The following NUGGC variants were observed in gnomAD, a reference collection of about 807,000 sequenced individuals.
NUGGC encodes nuclear GTPase SLIP-GC.
In NUGGC, 58 loss-of-function variants were observed where a neutral mutation model predicts 92.6. That is an observed-to-expected ratio of 0.63 (90% CI 0.51 to 0.78). The LOEUF (loss-of-function observed/expected upper bound fraction) is 0.78, where lower values mean the gene tolerates loss of function less well. Ranked by LOEUF, NUGGC falls within the 30% of genes least tolerant of loss-of-function variation. The pLI is 0.00. For synonymous variants in NUGGC, 376 were observed against 366.4 expected, an observed-to-expected ratio of 1.03 and a Z score of -0.30; for missense variants, 925 against 964.6, an observed-to-expected ratio of 0.96 and a Z score of 0.54.
At chr8:28,045,760 G>T in intron 11 of NUGGC, 100 bp from the exon 12 acceptor site, 1 of 1,301,590 alleles carries the variant, frequency 7.7e-7, no homozygotes, top group Admixed American at 2.1e-5. Flanking sequence ...TATGAATGAA[G>T]TAGAGTTGAG....
intron 7 of NUGGC, among the ~76,000 whole-genome samples, chr8:28,063,000 G>A (rs961198247): frequency 1.4e-5 from 2 of 146,340 alleles, no homozygotes; most frequent in South Asian, 2.4e-4. Flanking sequence ...CCAGGCCCCC[G>A]CTATGAGAAT....
intron 1 of NUGGC, among the ~76,000 whole-genome samples, chr8:28,081,557 T>C (rs1810850625): frequency 1.3e-5 from 2 of 152,202 alleles, no homozygotes; most frequent in South Asian, 4.1e-4. Context: ...ATCAAACACA[T>C]TGAGGATGCT....
intron 1 of NUGGC, among the ~76,000 whole-genome samples, chr8:28,077,739 G>T (rs1360975715): frequency 6.6e-6 from 1 of 152,146 alleles, no homozygotes; most frequent in Non-Finnish European, 1.5e-5. Context: ...CAAATCCATG[G>T]TCGACCTCCA....
At chr8:28,073,677 C>G (rs1402996783) in intron 2 of NUGGC, among the ~76,000 whole-genome samples, 1 of 152,166 alleles carries the variant, frequency 6.6e-6, no homozygotes, top group African/African-American at 2.4e-5. Flanking sequence ...ATGTGAGTCA[C>G]CCTTCCAGGA....
rs895536674 is a variant in NUGGC at position 28,031,499 on chromosome 8, A to C, written c.1770-118T>G. ...TAAGAGAAGGAAGATGAAATCTAAC[A>C]GTTATCAAATCCCTATAATGTGCCA... On this transcript the variant is annotated intron_variant, in intron 14 of 18. Coordinates refer to ENST00000413272, the MANE Select transcript of NUGGC (RefSeq NM_001010906.2). 1.0e-5 allele frequency: 10 copies of C among 994,280 alleles called. No individual in the cohort carries two copies. In the South Asian group the frequency reaches 1.4e-4, roughly 14 times the overall value. 61.6% of individuals were successfully genotyped at this position (994,280 alleles called of 1,614,324 possible).
intron 10 of NUGGC, among the ~76,000 whole-genome samples, chr8:28,051,678 C>A (rs1810006452): frequency 6.6e-6 from 1 of 152,184 alleles, no homozygotes; most frequent in African/African-American, 2.4e-5. Context: ...GTAATCCCAG[C>A]ACTTTGAGAG....
chr8:28,041,954 G>A (rs1380295333), intron 12 of NUGGC, among the ~76,000 whole-genome samples: 3 of 152,110 alleles, frequency 2.0e-5, no homozygotes, highest in Non-Finnish European at 2.9e-5. Context: ...ATAATTCCAC[G>A]TGTTGTGGGG....
intron 1 of NUGGC, among the ~76,000 whole-genome samples, chr8:28,082,656 A>G (rs1240548817): frequency 6.6e-6 from 1 of 152,172 alleles, no homozygotes; most frequent in Non-Finnish European, 1.5e-5. Context: ...TAATCCCAGC[A>G]CTTTGGGAGG....
At chr8:28,047,108 T>C (rs1809858523) in intron 11 of NUGGC, among the ~76,000 whole-genome samples, 1 of 151,814 alleles carries the variant, frequency 6.6e-6, no homozygotes, top group African/African-American at 2.4e-5. Context: ...GTAGCTGAGA[T>C]TATAGGCATG....
intron 16 of NUGGC, 116 bp from the exon 17 acceptor site, chr8:28,029,518 G>A: frequency 8.5e-7 from 1 of 1,175,166 alleles, no homozygotes; most frequent in Non-Finnish European, 1.2e-6. Flanking sequence ...GGAGGCTGAA[G>A]TGGGCAGATC....
chr8:28,039,137 T>C (rs541904773), intron 13 of NUGGC, among the ~76,000 whole-genome samples: 69 of 152,246 alleles, frequency 4.5e-4, no homozygotes, highest in Middle Eastern at 3.5e-3. Context: ...TCTCCTCCTT[T>C]ACTCTTGGTT....
chr8:28,049,755 ATGT>A (rs1252969793), intron 10 of NUGGC, among the ~76,000 whole-genome samples: 2 of 152,180 alleles, frequency 1.3e-5, no homozygotes, highest in Non-Finnish European at 2.9e-5. Flanking sequence ...TTGTAAAAAG[ATGT>A]TGTATGTGAG....
rs540566770 is a variant in NUGGC at position 28,027,168 on chromosome 8, A to T, written c.2155-116T>A. 10 of 811,806 alleles carry T rather than the reference A, an allele frequency of 1.2e-5. No homozygotes were observed. In the African/African-American group the frequency reaches 1.5e-4, roughly 12 times the overall value. 50.3% of individuals were successfully genotyped at this position (811,806 alleles called of 1,614,324 possible). A position where few individuals can be genotyped will look rare whatever the true frequency, so the allele number is the denominator to read the frequency against. ...CGGAAGGTACAGACTGGGGTTGCCA[A>T]AGTCAGGCTTTGCAACCCAGTTGCA... On this transcript the variant is annotated intron_variant, in intron 17 of 18. Coordinates refer to ENST00000413272, the MANE Select transcript of NUGGC (RefSeq NM_001010906.2).
chr8:28,048,994 TCTTA>T (rs147251564), intron 10 of NUGGC, among the ~76,000 whole-genome samples: 1,791 of 152,138 alleles, frequency 0.012, 40 homozygotes, highest in African/African-American at 0.04. Context: ...CTTTCATTCT[TCTTA>T]CTTAAAAAAA....
chr8:28,046,393 C>T (rs1307341936), intron 11 of NUGGC, among the ~76,000 whole-genome samples: 3 of 152,202 alleles, frequency 2.0e-5, no homozygotes, highest in Non-Finnish European at 2.9e-5. Flanking sequence ...AGAATGCAGT[C>T]CTGACCCTGC....
At chr8:28,061,191 C>T (rs1304176283) in intron 7 of NUGGC, among the ~76,000 whole-genome samples, 3 of 152,212 alleles carry the variant, frequency 2.0e-5, no homozygotes, top group Admixed American at 2.0e-4. Context: ...TGTCACCTGA[C>T]GGCAGCATTT....
chr8:28,030,251 G>T, intron 16 of NUGGC, 59 bp downstream of exon 16: 1 of 942,644 alleles, frequency 1.1e-6, no homozygotes, highest in South Asian at 1.4e-5. Flanking sequence ...AAAAGGATGC[G>T]AAAGATGCTG....
chr8:28,074,147 G>A (rs1166791519), intron 2 of NUGGC, among the ~76,000 whole-genome samples: 1 of 150,138 alleles, frequency 6.7e-6, no homozygotes, highest in Non-Finnish European at 1.5e-5. Flanking sequence ...TTATTTAACT[G>A]CTGGCCAAAC....
chr8:28,068,730 C>A (rs912737441), intron 4 of NUGGC, among the ~76,000 whole-genome samples: 43 of 151,840 alleles, frequency 2.8e-4, no homozygotes, highest in African/African-American at 1.0e-3. Context: ...ATTGCATATT[C>A]TTTTTTTTGT....
Sources: allele counts gnomAD v4.1 joint callset (sites outside exome capture counted in the v4.1 genomes callset), GRCh38; gene constraint gnomAD v4.1.1; transcripts MANE v1.5; gene names NCBI Gene and HGNC (gene_info 2026-07-23, HGNC 2026-07-21).